CSMD1: variants seen among roughly 807,000 people sequenced by gnomAD.
CSMD1 encodes the protein CUB and sushi domain-containing protein 1.
CSMD1 carries 213 observed loss-of-function variants against 417.5 expected under a neutral mutation model. The observed-to-expected ratio is 0.51, with a 90% CI of 0.46 to 0.57. CSMD1 has a LOEUF of 0.57. CSMD1 is among the 20% of genes least tolerant of loss of function. The pLI is 0.00. For synonymous variants in CSMD1, 2,862 were observed against 1,736.8 expected (o/e 1.65, Z -16.11); for missense variants, 6,923 against 4,529.7 (o/e 1.53, Z -15.17).
At chr8:4,805,200 C>T (rs774671364) in intron 1 of CSMD1, among the ~76,000 whole-genome samples, 5 of 152,102 alleles carry the variant, frequency 3.3e-5, no homozygotes, top group African/African-American at 7.2e-5. Flanking sequence ...ATAATATCTG[C>T]GATAATCATA....
intron 1 of CSMD1, among the ~76,000 whole-genome samples, chr8:4,674,726 T>C (rs1373495363): frequency 2.0e-5 from 3 of 152,206 alleles, no homozygotes; most frequent in East Asian, 1.9e-4. Context: ...CAAATACATA[T>C]AGAAGAAAAT....
intron 3 of CSMD1, among the ~76,000 whole-genome samples, chr8:4,334,380 T>C (rs921891089): frequency 6.6e-6 from 1 of 152,166 alleles, no homozygotes; most frequent in African/African-American, 2.4e-5. Context: ...GGTGGTGGGC[T>C]TCATTCAATC....
At chr8:3,472,266 A>G (rs1035274092) in intron 11 of CSMD1, among the ~76,000 whole-genome samples, 1 of 152,088 alleles carries the variant, frequency 6.6e-6, no homozygotes, top group Non-Finnish European at 1.5e-5. Flanking sequence ...ACTCTTTATC[A>G]TAACAAACTT....
At chr8:4,438,500 G>A (rs1798273752) in intron 2 of CSMD1, among the ~76,000 whole-genome samples, 1 of 152,220 alleles carries the variant, frequency 6.6e-6, no homozygotes, top group Non-Finnish European at 1.5e-5. Flanking sequence ...GCACCTGGCT[G>A]TAGGAAGATG....
At chr8:2,946,202 T>C (rs911865188) in intron 68 of CSMD1, among the ~76,000 whole-genome samples, 7 of 152,196 alleles carry the variant, frequency 4.6e-5, no homozygotes, top group Non-Finnish European at 5.9e-5. Flanking sequence ...GCATATGCGA[T>C]CTTTTGTTGA....
rs79141839 is a variant in CSMD1 at position 4,803,648 on chromosome 8, G to C, written c.86-166090C>G. On this transcript the variant is annotated intron_variant, in intron 1 of 69. Coordinates refer to ENST00000635120, the MANE Select transcript of CSMD1 (RefSeq NM_033225.6). ...TATGTCTTCTATCCTCCATCCAATA[G>C]AATTCAAAATGAAAACATATCAGTA... Among the ~76,000 whole-genome samples the C allele has an allele frequency of 5.3e-5, 8 of 152,112 alleles. No homozygotes were observed. The East Asian group carries it at 1.3e-3, about 26-fold the overall frequency.
intron 68 of CSMD1, among the ~76,000 whole-genome samples, chr8:2,946,211 G>A (rs1802223277): frequency 6.6e-6 from 1 of 152,196 alleles, no homozygotes; most frequent in African/African-American, 2.4e-5. Context: ...ATCTTTTGTT[G>A]ACCAAAATGT....
intron 2 of CSMD1, among the ~76,000 whole-genome samples, chr8:4,490,669 T>A (rs1801653860): frequency 6.6e-6 from 1 of 152,140 alleles, no homozygotes; most frequent in Non-Finnish European, 1.5e-5. Flanking sequence ...ATGGTCTTAA[T>A]ATACAGAAGA....
chr8:3,514,953 T>C (rs564079318), intron 10 of CSMD1, among the ~76,000 whole-genome samples: 5 of 152,304 alleles, frequency 3.3e-5, no homozygotes, highest in Admixed American at 1.3e-4. Flanking sequence ...TTGATAAATA[T>C]TATTGGAATA....
At chr8:4,095,302 G>C (rs952141446) in intron 3 of CSMD1, among the ~76,000 whole-genome samples, 10 of 152,022 alleles carry the variant, frequency 6.6e-5, no homozygotes, top group Non-Finnish European at 1.2e-4. Context: ...TATCAATTCT[G>C]TTATTACCTG....
At chr8:4,511,174 C>G (rs1357173394) in intron 2 of CSMD1, among the ~76,000 whole-genome samples, 2 of 152,068 alleles carry the variant, frequency 1.3e-5, no homozygotes, top group Non-Finnish European at 2.9e-5. Context: ...TCCCACATAG[C>G]AAGCCTGCAA....
chr8:4,046,043 G>C (rs184296602), intron 3 of CSMD1, among the ~76,000 whole-genome samples: 22 of 152,106 alleles, frequency 1.4e-4, no homozygotes, highest in African/African-American at 5.3e-4. Flanking sequence ...GACTCATGCA[G>C]ATTAGATTTT....
chr8:4,166,841 T>C (rs1797485564), intron 3 of CSMD1, among the ~76,000 whole-genome samples: 1 of 152,218 alleles, frequency 6.6e-6, no homozygotes, highest in African/African-American at 2.4e-5. Flanking sequence ...CTTTTTAAAA[T>C]TTAAATTTGT....
intron 3 of CSMD1, among the ~76,000 whole-genome samples, chr8:4,299,630 C>T (rs1293230671): frequency 6.6e-6 from 1 of 152,074 alleles, no homozygotes; most frequent in African/African-American, 2.4e-5. Context: ...ATATATCATA[C>T]ACTATCTTTC....
At chr8:3,960,758 T>A (rs1338397571) in intron 5 of CSMD1, among the ~76,000 whole-genome samples, 3 of 151,854 alleles carry the variant, frequency 2.0e-5, no homozygotes, top group East Asian at 1.9e-4. Flanking sequence ...TGATTTAAAA[T>A]CAAGAAGTGA....
rs573022572 is a variant in CSMD1 at position 4,729,076 on chromosome 8, T to A, written c.86-91518A>T. Among the ~76,000 whole-genome samples, 6 of 152,256 alleles carry A rather than the reference T, an allele frequency of 3.9e-5. No homozygotes were observed. In the South Asian group the frequency reaches 1.2e-3, roughly 32 times the overall value. On this transcript the variant is annotated intron_variant, in intron 1 of 69. Transcript: ENST00000635120. ...GACCTGAATATAGACAGGAAACACT[T>A]GGATGTTCAGCCCTAAATTATTTCC...
At chr8:3,807,228 A>G (rs972370539) in intron 5 of CSMD1, among the ~76,000 whole-genome samples, 5 of 152,200 alleles carry the variant, frequency 3.3e-5, no homozygotes, top group African/African-American at 7.2e-5. Flanking sequence ...TGATAAACCT[A>G]TATTTAATGC....
chr8:4,352,116 G>A (rs1026686745), intron 3 of CSMD1, among the ~76,000 whole-genome samples: 7 of 152,118 alleles, frequency 4.6e-5, no homozygotes, highest in East Asian at 1.9e-4. Flanking sequence ...ATTAGAGAAT[G>A]AGGTGGACTG....
intron 5 of CSMD1, among the ~76,000 whole-genome samples, chr8:3,978,703 T>C (rs1238596869): frequency 6.6e-6 from 1 of 152,140 alleles, no homozygotes; most frequent in Admixed American, 6.6e-5. Context: ...TTATCACTAA[T>C]TGAGCACTCT....
Sources: gnomAD v4.1 joint callset for allele counts (sites outside exome capture counted in the v4.1 genomes callset) on GRCh38, gnomAD v4.1.1 for gene constraint, MANE v1.5 for transcripts, NCBI Gene and HGNC (gene_info 2026-07-23, HGNC 2026-07-21) for gene names.